ZNF521: variants seen among roughly 807,000 people sequenced by gnomAD.
ZNF521 encodes the protein zinc finger protein 521.
Under a neutral mutation model 105.5 loss-of-function variants are expected in ZNF521, and 14 were observed. The ratio of observed to expected loss-of-function variants is 0.13; its 90% CI spans 0.09 to 0.21. The LOEUF is 0.21. Ranked by LOEUF, ZNF521 falls within the 10% of genes least tolerant of loss-of-function variation. The probability of loss-of-function intolerance (pLI) is 1.00; values close to 1 mark genes in which losing one functional copy is unlikely to be tolerated. For missense variants in ZNF521, 1,233 were observed against 1,629.7 expected, an observed-to-expected ratio of 0.76 and a Z score of 4.19; for synonymous variants, 635 against 606.0, an observed-to-expected ratio of 1.05 and a Z score of -0.70.
chr18:25,240,081 T>C (rs896938560), intron 3 of ZNF521, among the ~76,000 whole-genome samples: 9 of 152,276 alleles, frequency 5.9e-5, no homozygotes, highest in African/African-American at 1.9e-4. Flanking sequence ...CAAATGATAG[T>C]GTAAGTCAAA....
chr18:25,173,744 A>C (rs2035487658), intron 5 of ZNF521, among the ~76,000 whole-genome samples: 1 of 152,210 alleles, frequency 6.6e-6, no homozygotes, highest in African/African-American at 2.4e-5. Context: ...AGGAAAATGG[A>C]AAGAAAATTT....
intron 7 of ZNF521, among the ~76,000 whole-genome samples, chr18:25,070,751 C>T (rs2033199353): frequency 6.6e-6 from 1 of 152,106 alleles, no homozygotes; most frequent in Admixed American, 6.5e-5. Flanking sequence ...GACACTGCCA[C>T]ATATCTCTTG....
chr18:25,310,453 GA>G (rs1912240831), intron 3 of ZNF521, among the ~76,000 whole-genome samples: 1 of 151,022 alleles, frequency 6.6e-6, no homozygotes, highest in Non-Finnish European at 1.5e-5. Context: ...AAGAGGGAGG[GA>G]AAAGATTAAA....
At chr18:25,208,033 G>T (rs1186165989) in intron 4 of ZNF521, among the ~76,000 whole-genome samples, 2 of 151,416 alleles carry the variant, frequency 1.3e-5, no homozygotes, top group African/African-American at 4.8e-5. Flanking sequence ...GGAAAGCACC[G>T]TGATTTTTTT....
At chr18:25,129,713 T>A (rs1163371393) in intron 5 of ZNF521, among the ~76,000 whole-genome samples, 1 of 151,972 alleles carries the variant, frequency 6.6e-6, no homozygotes, top group African/African-American at 2.4e-5. Flanking sequence ...GATACACAGA[T>A]GGCAAATAGG....
At position 25,226,798 on chromosome 18, in the gene ZNF521, C is replaced by A; in HGVS notation, c.1120G>T (p.Ala374Ser). The change falls in exon 4 of 8, where the codon GCC becomes TCC. Residue 374 changes from alanine (A) to serine (S), a missense_variant. Coordinates refer to ENST00000361524, the MANE Select transcript of ZNF521 (RefSeq NM_015461.3). This position sits in a 1 kb window ranked among gnomAD's most constrained non-coding sequence, Gnocchi z 4.1. Reference sequence around the variant, plus strand: ...CCTCGACTCTTTGGGATTGGCGGGGCAGCTTCCACCATGGTTGAGCTGTCC... The same window carrying A: ...CCTCGACTCTTTGGGATTGGCGGGGAAGCTTCCACCATGGTTGAGCTGTCC... ...SVDSSTMVEA[A>S]PPIPKSRGRK... is the part of the protein sequence containing the mutation. 1 of 1,613,840 alleles carries A rather than the reference C, an allele frequency of 6.2e-7. No individual in the cohort carries two copies. The highest frequency in any genetic ancestry group is 8.5e-7 in the Non-Finnish European group (1 of 1,179,922).
At chr18:25,121,029 G>T (rs555699685) in intron 5 of ZNF521, among the ~76,000 whole-genome samples, 1 of 151,504 alleles carries the variant, frequency 6.6e-6, no homozygotes, top group South Asian at 2.1e-4. Context: ...GAAGTTTTTG[G>T]AGAAAAATCC....
chr18:25,064,661 C>G (rs1385078085), intron 7 of ZNF521, among the ~76,000 whole-genome samples: 1 of 152,198 alleles, frequency 6.6e-6, no homozygotes, highest in Non-Finnish European at 1.5e-5. Flanking sequence ...TCCTTTACAG[C>G]AACTAGCAAA....
chr18:25,093,908 C>T (rs1472702169), intron 5 of ZNF521, among the ~76,000 whole-genome samples: 2 of 152,068 alleles, frequency 1.3e-5, no homozygotes, highest in East Asian at 1.9e-4. Flanking sequence ...ATAAAAAACA[C>T]TATTTATTGT....
chr18:25,224,067 T>C (rs1180821765), intron 4 of ZNF521: 11 of 369,192 alleles, frequency 3.0e-5, no homozygotes, highest in Middle Eastern at 7.4e-4. Flanking sequence ...CAGATCTCAG[T>C]AGTGTTGGCA....
intron 4 of ZNF521, among the ~76,000 whole-genome samples, chr18:25,220,934 T>C (rs1905682386): frequency 6.6e-6 from 1 of 152,202 alleles, no homozygotes; most frequent in Admixed American, 6.5e-5. Context: ...TGTCAATAAC[T>C]GCAAGGTGCT....
At chr18:25,087,780 T>C (rs60833277) in intron 7 of ZNF521, among the ~76,000 whole-genome samples, 9,588 of 152,296 alleles carry the variant, frequency 0.063, 376 homozygotes, top group African/African-American at 0.085. Flanking sequence ...TGTGACAGAA[T>C]AGCATTTTTA....
intron 5 of ZNF521, among the ~76,000 whole-genome samples, chr18:25,173,919 T>C (rs2035490830): frequency 6.6e-6 from 1 of 152,216 alleles, no homozygotes. Context: ...ATATCATTAT[T>C]CTCAAAGTGT....
chr18:25,221,242 A>G (rs937902929), intron 4 of ZNF521, among the ~76,000 whole-genome samples: 1 of 152,186 alleles, frequency 6.6e-6, no homozygotes. Flanking sequence ...AAATCTCTCT[A>G]TTACATAACA....
At position 25,226,550 on chromosome 18, in the gene ZNF521, A is replaced by C; in HGVS notation, c.1368T>G (p.Leu456=). The part of the protein sequence containing the change: ...LPSLYNLNEH[L]KQVHEAQDPG... The stretch of plus-strand genomic sequence containing the variant: ...GGTCCTGAGCTTCATGCACTTGCTT[A>C]AGATGTTCATTTAGGTTATAGAGTG... Residue 456 remains leucine, a synonymous_variant, in exon 4 of 8, where the codon CTT becomes CTG. Transcript: ENST00000361524. This position sits in a 1 kb window ranked among gnomAD's most constrained non-coding sequence, Gnocchi z 4.1. 6.2e-7 allele frequency: 1 copy of C among 1,614,168 alleles called. No homozygotes were observed. Among genetic ancestry groups the C allele is most frequent in the African/African-American group, 1.3e-5 (1 of 75,052 alleles).
At chr18:25,197,000 G>A (rs1280480816) in intron 4 of ZNF521, among the ~76,000 whole-genome samples, 4 of 151,668 alleles carry the variant, frequency 2.6e-5, no homozygotes, top group South Asian at 2.1e-4. Context: ...GAATATGTTG[G>A]CAGAATATAC....
chr18:25,316,644 C>T (rs1191673307), intron 3 of ZNF521, among the ~76,000 whole-genome samples: 2 of 152,152 alleles, frequency 1.3e-5, no homozygotes, highest in Non-Finnish European at 1.5e-5. Flanking sequence ...ACTCAAGCTA[C>T]ACCATTAACA....
Position 25,224,761 on chromosome 18 carries a change from G to C in ZNF521, c.3157C>G (p.Gln1053Glu), listed in dbSNP as rs751676342. 3 of 1,613,998 alleles carry C rather than the reference G, an allele frequency of 1.9e-6. No homozygotes were observed. The South Asian group carries it at 3.3e-5, about 18-fold the overall frequency. The change falls in exon 4 of 8, where the codon CAG (glutamine) becomes GAG (glutamate). Residue 1053 changes from glutamine to glutamate, a missense_variant. Gln to Glu is a conservative substitution (Grantham distance 29). Around this residue, in one of 6 missense-constraint regions of ZNF521, gnomAD observed 614 missense variants for 751.5 expected, o/e 0.82. Coordinates refer to ENST00000361524, the MANE Select transcript of ZNF521 (RefSeq NM_015461.3). ...ACGTGCTGGCCCCGCCCTGTGGTCTGAACTGCAGACCCATTCCCTGTCTTT... is the reference window on the plus strand; with the variant it reads ...ACGTGCTGGCCCCGCCCTGTGGTCTCAACTGCAGACCCATTCCCTGTCTTT... Reference protein sequence around the residue: ...MQKTGNGSAVQTTGRGQHVQK... With the variant: ...MQKTGNGSAVETTGRGQHVQK...
intron 5 of ZNF521, among the ~76,000 whole-genome samples, chr18:25,157,931 T>C (rs1217666815): frequency 6.6e-6 from 1 of 152,086 alleles, no homozygotes; most frequent in Non-Finnish European, 1.5e-5. Context: ...TTTTTGTATT[T>C]TTAGTAGAGA....
Sources: allele counts gnomAD v4.1 joint callset (sites outside exome capture counted in the v4.1 genomes callset), GRCh38; gene constraint gnomAD v4.1.1; regional missense constraint gnomAD v4.1.1; non-coding constraint Gnocchi (gnomAD v3.1); transcripts MANE v1.5; gene names NCBI Gene and HGNC (gene_info 2026-07-23, HGNC 2026-07-21).